The following ZNF214 variants were observed in gnomAD, a reference collection of about 807,000 sequenced individuals.
ZNF214 encodes BWSCR2-associated zinc finger protein 1.
ZNF214 carries 43 observed loss-of-function variants against 53.9 expected under a neutral mutation model. The ratio of observed to expected loss-of-function variants is 0.80; its 90% confidence interval spans 0.63 to 1.03. The LOEUF (loss-of-function observed/expected upper bound fraction) is 1.03, where lower values mean the gene tolerates loss of function less well. Ranked by LOEUF, ZNF214 falls within the 50% of genes least tolerant of loss-of-function variation. The pLI is 0.00. For synonymous variants in ZNF214, 217 were observed against 229.5 expected, an observed-to-expected ratio of 0.95 and a Z score of 0.49; for missense variants, 724 against 719.1, an observed-to-expected ratio of 1.01 and a Z score of -0.08.
At position 6,999,217 on chromosome 11, in the gene ZNF214, A is replaced by C. The variant is rs998433691; in HGVS notation, c.*645T>G. 3 of 152,106 alleles carry C rather than the reference A, an allele frequency of 2.0e-5. No homozygotes were observed. In the Admixed American group the frequency reaches 2.0e-4, roughly 10 times the overall value. The allele number at this position is 152,106 out of a possible 1,614,324, so 9.4% of individuals were successfully genotyped here. On this transcript the variant is annotated 3_prime_UTR_variant, in exon 3 of 3. Transcript: ENST00000278314. ...GGGAAGGGATGAGTGCACTGTAGTC[A>C]CCTCAAAGTGAAGCACCCCTGCAAC...
intron 2 of ZNF214, among the ~76,000 whole-genome samples, chr11:7,002,202 A>G (rs1483676291): frequency 6.6e-6 from 1 of 151,954 alleles, no homozygotes; most frequent in Non-Finnish European, 1.5e-5. Flanking sequence ...TATATGGCCA[A>G]CACATTCCCA....
At chr11:7,010,917 A>T (rs1305145143) in intron 1 of ZNF214, among the ~76,000 whole-genome samples, 1 of 151,548 alleles carries the variant, frequency 6.6e-6, no homozygotes, top group South Asian at 2.1e-4. Flanking sequence ...ACACCTAAAT[A>T]TGTACCTAAA....
rs1259747984 is a variant in ZNF214 at position 7,001,077 on chromosome 11, C to A, written c.606G>T (p.Gly202=). 1.2e-6 allele frequency: 2 copies of A among 1,613,094 alleles called. No individual in the cohort carries two copies. Among genetic ancestry groups the A allele is most frequent in the African/African-American group, 2.7e-5 (2 of 74,792 alleles). The change falls in exon 3 of 3, where the codon GGG becomes GGT. Residue 202 remains glycine, a synonymous_variant. Transcript: ENST00000278314. ...TCAGTAGGTCTTCTTGACATATCAC[C>A]CCAACATACTGTGGAAGGGCTTCCT... The part of the protein sequence containing the change: ...PVEEALPQYV[G]VICQEDLLRD...
intron 1 of ZNF214, among the ~76,000 whole-genome samples, chr11:7,005,185 A>G (rs1430595866): frequency 6.6e-6 from 1 of 151,942 alleles, no homozygotes. Flanking sequence ...TCTGTATGAT[A>G]AACTTCTAGA....
chr11:6,997,241 CT>C lies in ZNF214; in HGVS notation c.*2620del, dbSNP rs1851202319. ...AACTTAATGAGTTTAAATTAGTGCA[CT>C]TTTCACCTTTAAAAACATATTGTAG... On this transcript the variant is annotated 3_prime_UTR_variant, in exon 3 of 3. Coordinates refer to ENST00000278314, the MANE Select transcript of ZNF214 (RefSeq NM_013249.4). Among the ~76,000 whole-genome samples, 1 of 151,744 alleles carries C rather than the reference CT, an allele frequency of 6.6e-6. No homozygotes were observed. The highest frequency in any genetic ancestry group is 2.4e-5 in the African/African-American group (1 of 41,374).
chr11:7,009,116 A>G (rs374023154), intron 1 of ZNF214, among the ~76,000 whole-genome samples: 5 of 152,248 alleles, frequency 3.3e-5, no homozygotes, highest in African/African-American at 1.2e-4. Flanking sequence ...AGGAGCCCAA[A>G]TAGCCAAGGC....
Position 7,000,936 on chromosome 11 carries a change from G to A in ZNF214, c.747C>T (p.Cys249=). The A allele has an allele frequency of 1.9e-6, 3 of 1,613,014 alleles. No homozygotes were observed. The highest frequency in any genetic ancestry group is 2.5e-6 in the Non-Finnish European group (3 of 1,179,566). ...RNQPGENLCQ[C]SICKACFSQR... is the part of the protein sequence containing the mutation. ...GAGAGAAGCATGCTTTACAGATGGA[G>A]CATTGACAGAGGTTTTCTCCAGGTT... The change falls in exon 3 of 3, where the codon TGC becomes TGT. Residue 249 remains cysteine, a synonymous_variant. Transcript: ENST00000278314.
At chr11:7,014,880 C>T (rs1851722209) in intron 1 of ZNF214, among the ~76,000 whole-genome samples, 1 of 150,658 alleles carries the variant, frequency 6.6e-6, no homozygotes, top group African/African-American at 2.4e-5. Flanking sequence ...CGCTACTGGA[C>T]TCCAGGCTGG....
At chr11:7,013,678 T>A (rs902928226) in intron 1 of ZNF214, among the ~76,000 whole-genome samples, 4 of 152,130 alleles carry the variant, frequency 2.6e-5, no homozygotes, top group African/African-American at 9.7e-5. Context: ...TCTCACTGTC[T>A]TTTTCTCAAT....
At position 6,998,666 on chromosome 11, in the gene ZNF214, C is replaced by T. The variant is rs1851243382; in HGVS notation, c.*1196G>A. ...TCTTCTCTACTTGTATATTTCTACT[C>T]TATCTTTACTGAGTTCAGATTCTCT... On this transcript the variant is annotated 3_prime_UTR_variant, in exon 3 of 3. Coordinates refer to ENST00000278314, the MANE Select transcript of ZNF214 (RefSeq NM_013249.4). 6.6e-6 allele frequency among the ~76,000 whole-genome samples: 1 copy of T among 151,920 alleles called. No individual in the cohort carries two copies. The highest frequency in any genetic ancestry group is 1.5e-5 in the Non-Finnish European group (1 of 67,916).
At chr11:7,004,967 T>C (rs1040920221) in intron 1 of ZNF214, among the ~76,000 whole-genome samples, 1 of 152,074 alleles carries the variant, frequency 6.6e-6, no homozygotes, top group Non-Finnish European at 1.5e-5. Context: ...CTAATATTAT[T>C]TGTAAAAGTT....
chr11:7,000,207 A>G lies in ZNF214; in HGVS notation c.1476T>C (p.His492=). 1 of 1,613,248 alleles carries G rather than the reference A, an allele frequency of 6.2e-7. No homozygotes were observed. Among genetic ancestry groups the G allele is most frequent in the Non-Finnish European group, 8.5e-7 (1 of 1,179,572 alleles). Residue 492 remains histidine, a synonymous_variant, in exon 3 of 3, where the codon CAT becomes CAC. Coordinates refer to ENST00000278314, the MANE Select transcript of ZNF214 (RefSeq NM_013249.4). ...SSKLHTHQRV[H]TGEKPYKCEE... Reference sequence around the variant, plus strand: ...CACATTTGTAGGGTTTCTCTCCAGTATGTACTCTTTGATGAGTGTGAAGCT... The same window carrying G: ...CACATTTGTAGGGTTTCTCTCCAGTGTGTACTCTTTGATGAGTGTGAAGCT...
intron 1 of ZNF214, among the ~76,000 whole-genome samples, chr11:7,009,808 A>C (rs888296533): frequency 1.3e-5 from 2 of 150,264 alleles, no homozygotes; most frequent in African/African-American, 4.9e-5. Flanking sequence ...GTCAACAAGC[A>C]TATAAAAAAT....
At position 6,999,549 on chromosome 11, in the gene ZNF214, A is replaced by AT. The variant is rs1233236456; in HGVS notation, c.*312dup. Reference sequence around the variant, plus strand: ...AATACAAAATTGAACACACAATTTCATGCACATTAAAATGCACAGAAAAAA... The same window carrying AT: ...AATACAAAATTGAACACACAATTTCATTGCACATTAAAATGCACAGAAAAAA... On this transcript the variant is annotated 3_prime_UTR_variant, in exon 3 of 3. Coordinates refer to ENST00000278314, the MANE Select transcript of ZNF214 (RefSeq NM_013249.4). 2 of 161,468 alleles carry AT rather than the reference A, an allele frequency of 1.2e-5. No homozygotes were observed. The allele number at this position is 161,468 out of a possible 1,614,324, so 10.0% of individuals were successfully genotyped here. A position where few individuals can be genotyped will look rare whatever the true frequency, so the allele number is the denominator to read the frequency against.
intron 1 of ZNF214, chr11:7,019,748 G>C (rs1412443375): frequency 6.6e-6 from 1 of 152,216 alleles, no homozygotes; most frequent in African/African-American, 2.4e-5. Context: ...GTAGGTTCCT[G>C]GGCAAAGTAA....
Position 7,000,363 on chromosome 11 carries a change from T to C in ZNF214, c.1320A>G (p.Lys440=), listed in dbSNP as rs748786612. ...TTCCACAGTCATCACATTTATAAGG[T>C]TTCTCTCCTGTATGCACTCTCTGAT... ...QIHQRVHTGE[K]PYKCDDCGKD... is the part of the protein sequence containing the mutation. Residue 440 remains lysine, a synonymous_variant, in exon 3 of 3, where the codon AAA becomes AAG. Transcript: ENST00000278314. 6.2e-6 allele frequency: 10 copies of C among 1,613,298 alleles called. No individual in the cohort carries two copies. The East Asian group carries it at 6.7e-5, about 11-fold the overall frequency.
At chr11:7,007,191 G>A (rs1051812969) in intron 1 of ZNF214, among the ~76,000 whole-genome samples, 4 of 151,614 alleles carry the variant, frequency 2.6e-5, no homozygotes, top group African/African-American at 9.7e-5. Flanking sequence ...GTAAATAAAA[G>A]TCAATGTGGG....
At chr11:7,010,902 C>G (rs548660053) in intron 1 of ZNF214, among the ~76,000 whole-genome samples, 41 of 151,150 alleles carry the variant, frequency 2.7e-4, no homozygotes, top group African/African-American at 9.9e-4. Context: ...GAGCTATAGG[C>G]AAATACACCT....
rs1315846430 is a variant in ZNF214 at position 7,002,758 on chromosome 11, T to A, written c.78A>T (p.Arg26Ser). ...TCTCCCACATGACCTCCCTGTAGAGTCTTTTTTGAGAAGAATCCAGGAATT... is the reference window on the plus strand; with the variant it reads ...TCTCCCACATGACCTCCCTGTAGAGACTTTTTTGAGAAGAATCCAGGAATT... ...EWKFLDSSQKRLYREVMWENY... is the reference protein window; with the variant it reads ...EWKFLDSSQKSLYREVMWENY... The change falls in exon 2 of 3, where the codon AGA becomes AGT. Residue 26 changes from arginine to serine, a missense_variant. Transcript: ENST00000278314. 1 of 1,609,318 alleles carries A rather than the reference T, an allele frequency of 6.2e-7. No homozygotes were observed. Among genetic ancestry groups the A allele is most frequent in the Non-Finnish European group, 8.5e-7 (1 of 1,177,802 alleles).
Sources: gnomAD v4.1 joint callset for allele counts (sites outside exome capture counted in the v4.1 genomes callset) on GRCh38, gnomAD v4.1.1 for gene constraint, MANE v1.5 for transcripts, NCBI Gene and HGNC (gene_info 2026-07-23, HGNC 2026-07-21) for gene names.